The following COX20 variants were observed in gnomAD, a reference collection of about 807,000 sequenced individuals.
COX20 encodes the protein cytochrome c oxidase assembly factor COX20, also known as cytochrome c oxidase assembly protein COX20, mitochondrial.
COX20 carries 14 observed loss-of-function variants against 14.3 expected under a neutral mutation model. The observed-to-expected ratio is 0.98, with a 90% CI of 0.65 to 1.53. The LOEUF is 1.53. Ranked by LOEUF, COX20 falls within the 40% of genes most tolerant of loss-of-function variation. The probability of loss-of-function intolerance (pLI) is 0.00; values close to 1 mark genes in which losing one functional copy is unlikely to be tolerated. For missense variants in COX20, 149 were observed against 142.1 expected (o/e 1.05, Z -0.25); for synonymous variants, 56 against 51.7 (o/e 1.08, Z -0.36).
chr1:244,835,534 G>C (rs544388559), upstream of COX20: 489 of 404,790 alleles, frequency 1.2e-3, 1 homozygote, highest in African/African-American at 9.4e-3. Context: ...GGACATGACA[G>C]CCCGGCCCCG....
rs933915526 is a variant in COX20, at chr1:244,844,416, A to G, written c.*1240A>G. On this transcript the variant is annotated 3_prime_UTR_variant, in exon 4 of 4. Coordinates refer to ENST00000411948, the MANE Select transcript of COX20 (RefSeq NM_198076.6). ...CAGTTTGCCCACTCTTAGTGGCACA[A>G]ATCAAAGCTGCATGCACTACATTAT... is the stretch of plus-strand genomic sequence containing the variant. 10 of 152,210 alleles carry G rather than the reference A, an allele frequency of 6.6e-5. No individual in the cohort carries two copies. Among genetic ancestry groups the G allele is most frequent in the African/African-American group, 2.2e-4 (9 of 41,446 alleles). 9.4% of individuals were successfully genotyped at this position (152,210 alleles called of 1,614,324 possible). A position where few individuals can be genotyped will look rare whatever the true frequency, so the allele number is the denominator to read the frequency against.
rs1161936109 is a variant in COX20, at chr1:244,843,791, G to C, written c.*615G>C. 6.6e-6 allele frequency: 1 copy of C among 152,126 alleles called. No homozygotes were observed. The highest frequency in any genetic ancestry group is 2.4e-5 in the African/African-American group (1 of 41,416). The allele number at this position is 152,126 out of a possible 1,614,324, so 9.4% of individuals were successfully genotyped here. A position where few individuals can be genotyped will look rare whatever the true frequency, so the allele number is the denominator to read the frequency against. ...AGTTCTGAATTAAAATATGCACATG[G>C]AACTTGTCTGGCAGACTGATGCAAT... On this transcript the variant is annotated 3_prime_UTR_variant, in exon 4 of 4. Coordinates refer to ENST00000411948, the MANE Select transcript of COX20 (RefSeq NM_198076.6).
chr1:244,839,934 GAATTAAA>G (rs1314537776), intron 1 of COX20: 2 of 152,064 alleles, frequency 1.3e-5, no homozygotes, highest in African/African-American at 4.8e-5. Flanking sequence ...AAAGGCTAGA[GAATTAAA>G]AAACATGTAG....
rs1680342946 is a variant in COX20, at chr1:244,844,423, G to C, written c.*1247G>C. 6.6e-6 allele frequency: 1 copy of C among 152,162 alleles called. No homozygotes were observed. The highest frequency in any genetic ancestry group is 2.4e-5 in the African/African-American group (1 of 41,428). The allele number at this position is 152,162 out of a possible 1,614,324, so 9.4% of individuals were successfully genotyped here. On this transcript the variant is annotated 3_prime_UTR_variant, in exon 4 of 4. Coordinates refer to ENST00000411948, the MANE Select transcript of COX20 (RefSeq NM_198076.6). ...CCCACTCTTAGTGGCACAAATCAAA[G>C]CTGCATGCACTACATTATCCAAATT...
At chr1:244,841,797 C>T (rs990965063) in intron 1 of COX20, 147 bp from the exon 2 acceptor site, 1 of 583,178 alleles carries the variant, frequency 1.7e-6, no homozygotes, top group Non-Finnish European at 3.1e-6. Flanking sequence ...ACAAAGACAA[C>T]GCAAGCTGAT....
intron 1 of COX20, 122 bp downstream of exon 1, chr1:244,835,878 A>AT (rs994396485): frequency 2.9e-6 from 2 of 691,504 alleles, no homozygotes; most frequent in African/African-American, 3.7e-5. Context: ...GCTTGAAACT[A>AT]TTTTAACTGT....
At position 244,844,110 on chromosome 1, in the gene COX20, T is replaced by C. The variant is rs1680329378; in HGVS notation, c.*934T>C. The C allele has an allele frequency of 6.6e-6, 1 of 152,232 alleles. No individual in the cohort carries two copies. The highest frequency in any genetic ancestry group is 1.5e-5 in the Non-Finnish European group (1 of 68,042). The allele number at this position is 152,232 out of a possible 1,614,324, so 9.4% of individuals were successfully genotyped here. On this transcript the variant is annotated 3_prime_UTR_variant, in exon 4 of 4. Transcript: ENST00000411948. ...ACAGCAGTCAACAGGATTGTGGCCA[T>C]TACTGGTCCTATTATTTTGATGTAC...
intron 1 of COX20, among the ~76,000 whole-genome samples, chr1:244,839,442 A>C (rs1680108947): frequency 1.3e-5 from 2 of 151,468 alleles, no homozygotes; most frequent in African/African-American, 4.8e-5. Context: ...ACATTTCCTT[A>C]ATTTATTTTT....
chr1:244,836,544 CTT>C (rs1307052727), intron 1 of COX20: 6 of 1,544,498 alleles, frequency 3.9e-6, no homozygotes, highest in Non-Finnish European at 5.3e-6. Context: ...TTGTTTTCCT[CTT>C]TTCCTGGGCT....
At chr1:244,841,301 T>A (rs1008783890) in intron 1 of COX20, 2 of 152,228 alleles carry the variant, frequency 1.3e-5, no homozygotes, top group Non-Finnish European at 2.9e-5. Context: ...TCCCCGCGTT[T>A]TTCACCACAC....
At chr1:244,836,111 G>A (rs1450169469) in intron 1 of COX20, among the ~76,000 whole-genome samples, 1 of 152,186 alleles carries the variant, frequency 6.6e-6, no homozygotes, top group Non-Finnish European at 1.5e-5. Context: ...GCTCCGTTGA[G>A]GACAGGTGCC....
chr1:244,837,379 A>G (rs1680027026), intron 1 of COX20, among the ~76,000 whole-genome samples: 1 of 152,198 alleles, frequency 6.6e-6, no homozygotes, highest in South Asian at 2.1e-4. Context: ...TTTTTTTAAA[A>G]GAATTTGTCA....
At chr1:244,835,625 G>T, upstream of COX20, 1 of 1,039,618 alleles carries the variant, frequency 9.6e-7, no homozygotes, top group Non-Finnish European at 1.2e-6. Context: ...GGCGGCGCGT[G>T]GGGGCGGGAC....
intron 3 of COX20, 96 bp downstream of exon 3, chr1:244,842,354 A>AC: frequency 3.7e-6 from 3 of 815,904 alleles, no homozygotes; most frequent in African/African-American, 1.7e-5. Context: ...CCATTGGGAG[A>AC]TCCTCACCCT....
At chr1:244,841,046 T>C (rs557397570) in intron 1 of COX20, 15 of 152,362 alleles carry the variant, frequency 9.8e-5, no homozygotes, top group African/African-American at 2.4e-4. Flanking sequence ...AGTTCAGCAG[T>C]GTGACTGTTA....
intron 1 of COX20, among the ~76,000 whole-genome samples, chr1:244,836,028 T>G (rs976635731): frequency 1.3e-5 from 2 of 152,198 alleles, no homozygotes; most frequent in African/African-American, 4.8e-5. Context: ...ATACTGAATC[T>G]TTGGCGAGAA....
chr1:244,835,389 T>A (rs1421306603), upstream of COX20: 1 of 295,576 alleles, frequency 3.4e-6, no homozygotes, highest in Non-Finnish European at 6.2e-6. Context: ...CGGGGCTGTC[T>A]GGCTCGGTTA....
chr1:244,840,416 G>A (rs1215069032), intron 1 of COX20: 1 of 152,154 alleles, frequency 6.6e-6, no homozygotes, highest in Non-Finnish European at 1.5e-5. Flanking sequence ...GGTAGTCCTG[G>A]ACTGGAGCGC....
At chr1:244,839,489 T>A (rs2102972110) in intron 1 of COX20, among the ~76,000 whole-genome samples, 1 of 151,604 alleles carries the variant, frequency 6.6e-6, no homozygotes, top group South Asian at 2.1e-4. Context: ...GAGTTAAATC[T>A]TAAGTATGCA....
Sources: gnomAD v4.1 joint callset for allele counts (sites outside exome capture counted in the v4.1 genomes callset) on GRCh38, gnomAD v4.1.1 for gene constraint, MANE v1.5 for transcripts, NCBI Gene and HGNC (gene_info 2026-07-23, HGNC 2026-07-21) for gene names.